Variants in TTC7A observed in about 807,000 individuals in gnomAD.
TTC7A encodes the protein tetratricopeptide repeat protein 7A.
TTC7A carries 110 observed loss-of-function variants against 103.7 expected under a neutral mutation model. The observed-to-expected ratio is 1.06, with a 90% CI of 0.91 to 1.24. The LOEUF (loss-of-function observed/expected upper bound fraction) is 1.24, where lower values mean the gene tolerates loss of function less well. TTC7A is among the 50% of genes most tolerant of loss of function. TTC7A has a pLI of 0.00. For synonymous variants in TTC7A, 521 were observed against 467.9 expected (o/e 1.11, Z -1.47); for missense variants, 1,340 against 1,116.3 (o/e 1.20, Z -2.86).
chr2:47,075,488 A>G lies in TTC7A; in HGVS notation c.*1565A>G, dbSNP rs571036519. The G allele has an allele frequency of 1.1e-4, 16 of 152,356 alleles. No individual in the cohort carries two copies. The highest frequency in any genetic ancestry group is 3.8e-4 in the African/African-American group (16 of 41,570). 9.4% of individuals were successfully genotyped at this position (152,356 alleles called of 1,614,324 possible). On this transcript the variant is annotated 3_prime_UTR_variant, in exon 20 of 20. Transcript: ENST00000319190. ...TAAGCATTTCCTTGTTGGAAGCAGC[A>G]GAGGGCCAGGCCAAGTTGCTGACAG...
intron 15 of TTC7A, among the ~76,000 whole-genome samples, chr2:47,038,649 C>T (rs1428632971): frequency 1.4e-4 from 11 of 78,048 alleles, no homozygotes; most frequent in Non-Finnish European, 2.2e-4. Context: ...CCTCCCCCCA[C>T]CCACCCCCCC....
intron 2 of TTC7A, among the ~76,000 whole-genome samples, chr2:46,934,795 T>C: frequency 2.7e-5 from 3 of 110,992 alleles, no homozygotes; most frequent in East Asian, 2.6e-4. Context: ...CTCTTTTTTT[T>C]TTTTTTTTTT....
At position 46,994,478 on chromosome 2, in the gene TTC7A, A is replaced by G; in HGVS notation, c.965A>G (p.Gln322Arg). ...AAGGAGGAGAGTTCTTTCGCCACTC[A>G]GGCCCTGCGGAAACCTCACCTCTAT... ...MGKEESSFAT[Q>R]ALRKPHLYEG... is the part of the protein sequence containing the mutation. Residue 322 changes from glutamine (Q) to arginine (R), a missense_variant, in exon 7 of 20, where the codon CAG (glutamine) becomes CGG (arginine). Transcript: ENST00000319190. 1 of 1,614,088 alleles carries G rather than the reference A, an allele frequency of 6.2e-7. No homozygotes were observed.
At chr2:47,060,121 C>G (rs1683644373) in intron 18 of TTC7A, among the ~76,000 whole-genome samples, 2 of 151,962 alleles carry the variant, frequency 1.3e-5, no homozygotes, top group Admixed American at 1.3e-4. Flanking sequence ...CACGGTGGCT[C>G]ACGCTTGTAA....
chr2:47,070,630 A>G (rs1026687859), intron 19 of TTC7A, among the ~76,000 whole-genome samples: 7 of 152,278 alleles, frequency 4.6e-5, no homozygotes, highest in Admixed American at 3.3e-4. Flanking sequence ...CTCCGCCCTC[A>G]GGGAAGGCTT....
chr2:47,068,753 T>C (rs572231896), intron 19 of TTC7A, among the ~76,000 whole-genome samples: 6 of 150,088 alleles, frequency 4.0e-5, no homozygotes, highest in South Asian at 4.2e-4. Context: ...TAAGCTGATA[T>C]AGGCTCCTGA....
intron 8 of TTC7A, among the ~76,000 whole-genome samples, chr2:47,001,859 CAAAAAAAAAAAA>C (rs397871545): frequency 3.3e-5 from 3 of 90,480 alleles, no homozygotes; most frequent in African/African-American, 1.1e-4. Context: ...GACTCTGTCT[CAAAAAAAAAAAA>C]AAAAAAAAGA....
At chr2:46,918,828 C>T (rs749258830) in intron 2 of TTC7A, among the ~76,000 whole-genome samples, 6 of 152,136 alleles carry the variant, frequency 3.9e-5, no homozygotes, top group Admixed American at 2.0e-4. Flanking sequence ...GGCAACTCTA[C>T]GTTGGAAATA....
chr2:47,039,319 C>T (rs1681484685), intron 15 of TTC7A, among the ~76,000 whole-genome samples: 1 of 152,198 alleles, frequency 6.6e-6, no homozygotes, highest in South Asian at 2.1e-4. Context: ...TAAAAATGTG[C>T]ACCCGACGTG....
intron 10 of TTC7A, 88 bp downstream of exon 10, chr2:47,006,812 T>C (rs1228805808): frequency 1.9e-6 from 2 of 1,079,310 alleles, no homozygotes; most frequent in Non-Finnish European, 2.9e-6. Flanking sequence ...GCCAGGGGAG[T>C]GGGTGGGTAT....
At chr2:47,021,738 G>A in intron 11 of TTC7A, 124 bp from the exon 12 acceptor site, 2 of 767,024 alleles carry the variant, frequency 2.6e-6, no homozygotes, top group African/African-American at 3.5e-5. Context: ...GCTTCTCCCT[G>A]TGAGAGTAAG....
chr2:46,991,030 A>G (rs1316844069), intron 5 of TTC7A, among the ~76,000 whole-genome samples: 1 of 152,182 alleles, frequency 6.6e-6, no homozygotes, highest in Non-Finnish European at 1.5e-5. Context: ...CTCCTGCCTC[A>G]GCTTCCCGAA....
intron 5 of TTC7A, among the ~76,000 whole-genome samples, chr2:46,986,187 G>C (rs1572820079): frequency 6.6e-6 from 1 of 152,320 alleles, no homozygotes; most frequent in East Asian, 1.9e-4. Flanking sequence ...TCTGTTAAAG[G>C]GCTGTGGAGT....
At position 46,956,831 on chromosome 2, in the gene TTC7A, C is replaced by A; in HGVS notation, c.349-8C>A. The A allele has an allele frequency of 1.2e-6, 2 of 1,613,954 alleles. No homozygotes were observed. Among genetic ancestry groups the A allele is most frequent in the South Asian group, 2.2e-5 (2 of 91,064 alleles). ...GCAGGCGCTGGTAACATGTCCTTGT[C>A]ATTTCAGCCACAGTACATGTGTGAG... On this transcript the variant is annotated splice_polypyrimidine_tract_variant and splice_region_variant and intron_variant, in intron 2 of 19. Coordinates refer to ENST00000319190, the MANE Select transcript of TTC7A (RefSeq NM_020458.4).
Position 46,974,957 on chromosome 2 carries a change from C to T in TTC7A, c.518-16C>T. On this transcript the variant is annotated splice_polypyrimidine_tract_variant and intron_variant, in intron 3 of 19. Transcript: ENST00000319190. ...CCCGAGCAGGACAGGTCTGAGGCACCCTCTTCCTCCCGCAGGCCTCTCTCT... is the reference window on the plus strand; with the variant it reads ...CCCGAGCAGGACAGGTCTGAGGCACTCTCTTCCTCCCGCAGGCCTCTCTCT... The T allele has an allele frequency of 6.2e-7, 1 of 1,612,276 alleles. No homozygotes were observed. The highest frequency in any genetic ancestry group is 8.5e-7 in the Non-Finnish European group (1 of 1,179,182).
At chr2:47,052,912 A>G (rs144901800) in intron 18 of TTC7A, among the ~76,000 whole-genome samples, 1 of 152,250 alleles carries the variant, frequency 6.6e-6, no homozygotes, top group African/African-American at 2.4e-5. Flanking sequence ...GAAGAAACCG[A>G]AAGTTGATGA....
chr2:46,942,461 G>A (rs955928577), intron 1 of TTC7A, among the ~76,000 whole-genome samples: 1 of 152,194 alleles, frequency 6.6e-6, no homozygotes, highest in Admixed American at 6.5e-5. Flanking sequence ...GTGGAAGGAG[G>A]CAGGGAATAA....
rs10209037 is a variant in TTC7A, at chr2:47,022,155, G to A, written c.1510+176G>A. 9.9e-3 allele frequency among the ~76,000 whole-genome samples: 1,504 copies of A among 152,138 alleles called. 27 individuals carry two copies. Among genetic ancestry groups the A allele is most frequent in the African/African-American group, 0.035 (1,436 of 41,476 alleles). On this transcript the variant is annotated intron_variant, in intron 12 of 19. Coordinates refer to ENST00000319190, the MANE Select transcript of TTC7A (RefSeq NM_020458.4). ...CACATACACACGTGCATACACACAC[G>A]CGCCCCTCAGACCCATTTCCACTGT...
chr2:47,012,286 T>C (rs1356771195), intron 11 of TTC7A, among the ~76,000 whole-genome samples: 1 of 152,262 alleles, frequency 6.6e-6, no homozygotes, highest in Non-Finnish European at 1.5e-5. Context: ...AGCTTGCTGA[T>C]GTCAGCCTCC....
Sources: allele counts gnomAD v4.1 joint callset (sites outside exome capture counted in the v4.1 genomes callset), GRCh38; gene constraint gnomAD v4.1.1; transcripts MANE v1.5; gene names NCBI Gene and HGNC (gene_info 2026-07-23, HGNC 2026-07-21).